The following FBXL13 variants were observed in gnomAD, a reference collection of about 807,000 sequenced individuals.
FBXL13 encodes the protein F-box and leucine rich repeat protein 13.
A neutral mutation model predicts 83.6 loss-of-function variants in FBXL13; 67 were observed. The observed-to-expected ratio is 0.80, with a 90% CI of 0.66 to 0.98. The LOEUF is 0.98. Ranked by LOEUF, FBXL13 falls within the 50% of genes least tolerant of loss-of-function variation. The pLI is 0.00. For synonymous variants in FBXL13, 272 were observed against 299.5 expected (o/e 0.91, Z 0.95); for missense variants, 822 against 866.5 (o/e 0.95, Z 0.64).
intron 18 of FBXL13, among the ~76,000 whole-genome samples, chr7:102,828,285 A>C (rs1800083167): frequency 2.6e-5 from 4 of 151,906 alleles, no homozygotes; most frequent in African/African-American, 7.3e-5. Flanking sequence ...GTTCTCCTTG[A>C]AGAGGTCCTT....
At chr7:102,897,207 T>C (rs986842605) in intron 11 of FBXL13, among the ~76,000 whole-genome samples, 1 of 151,918 alleles carries the variant, frequency 6.6e-6, no homozygotes, top group Non-Finnish European at 1.5e-5. Flanking sequence ...CTTGTTATTG[T>C]AGGTGATATA....
chr7:103,000,133 A>C (rs1414892930), intron 6 of FBXL13, among the ~76,000 whole-genome samples: 4 of 151,982 alleles, frequency 2.6e-5, no homozygotes, highest in African/African-American at 9.7e-5. Context: ...ATATTTAAAA[A>C]TTTTCATCTT....
intron 11 of FBXL13, among the ~76,000 whole-genome samples, chr7:102,902,413 G>A (rs1813079247): frequency 6.6e-6 from 1 of 152,084 alleles, no homozygotes; most frequent in South Asian, 2.1e-4. Flanking sequence ...TGTATCCTTT[G>A]CTGTGCAGAA....
intron 16 of FBXL13, among the ~76,000 whole-genome samples, chr7:102,863,641 A>G (rs112660727): frequency 3.3e-5 from 5 of 152,212 alleles, no homozygotes; most frequent in African/African-American, 1.2e-4. Context: ...CAAAACAAAA[A>G]CAAAGATTCC....
rs184346994 is a variant in FBXL13 at position 103,018,101 on chromosome 7, T to G, written c.495+6962A>C. Among the ~76,000 whole-genome samples the G allele has an allele frequency of 5.6e-4, 86 of 152,214 alleles. No homozygotes were observed. In the East Asian group the frequency reaches 6.8e-3, roughly 12 times the overall value. On this transcript the variant is annotated intron_variant, in intron 6 of 19. Transcript: ENST00000313221. ...AAGGTCAGGTTACCCACAAAGGGAA[T>G]CCCATCAGAATAACAGCGGATCTCT... is the stretch of plus-strand genomic sequence containing the variant.
chr7:102,826,944 A>G (rs1209361221), intron 18 of FBXL13: 2 of 284,606 alleles, frequency 7.0e-6, no homozygotes, highest in East Asian at 1.6e-4. Flanking sequence ...TAAGAGCTCT[A>G]TCGTATTATT....
chr7:102,859,028 A>T (rs947973729), intron 16 of FBXL13, among the ~76,000 whole-genome samples: 1 of 152,140 alleles, frequency 6.6e-6, no homozygotes, highest in Non-Finnish European at 1.5e-5. Context: ...ATGTTTAAAA[A>T]AAGATTGATG....
chr7:102,816,608 C>G (rs973275395), intron 19 of FBXL13, among the ~76,000 whole-genome samples: 6 of 152,140 alleles, frequency 3.9e-5, no homozygotes, highest in African/African-American at 1.4e-4. Context: ...TGTTTGCACA[C>G]ACGCACCTTT....
chr7:102,934,143 C>T, intron 8 of FBXL13: 1 of 1,614,146 alleles, frequency 6.2e-7, no homozygotes, highest in Non-Finnish European at 8.5e-7. Flanking sequence ...TATGTGCTGC[C>T]TGGTTGGCCT....
At chr7:102,856,087 TG>T (rs1439147592) in intron 16 of FBXL13, among the ~76,000 whole-genome samples, 2 of 152,218 alleles carry the variant, frequency 1.3e-5, no homozygotes, top group Non-Finnish European at 2.9e-5. Context: ...AGTTTTTATT[TG>T]TTTCTTCAGT....
intron 16 of FBXL13, among the ~76,000 whole-genome samples, chr7:102,877,158 C>A (rs1037540172): frequency 6.6e-6 from 1 of 152,136 alleles, no homozygotes; most frequent in East Asian, 1.9e-4. Context: ...GTTAAGCCAT[C>A]TAACATATAT....
intron 6 of FBXL13, among the ~76,000 whole-genome samples, chr7:103,024,857 A>ATATATATATATTTT (rs1298384907): frequency 1.6e-5 from 1 of 62,846 alleles, no homozygotes; most frequent in African/African-American, 9.0e-5. Context: ...ATATATATAT[A>ATATATATATATTTT]TTTTTTTTTT....
At chr7:103,025,864 C>T (rs1793841831) in intron 5 of FBXL13, among the ~76,000 whole-genome samples, 2 of 151,524 alleles carry the variant, frequency 1.3e-5, no homozygotes, top group Admixed American at 6.6e-5. Flanking sequence ...ACAGGTGTTC[C>T]CTGCCTCTGC....
intron 8 of FBXL13, among the ~76,000 whole-genome samples, chr7:102,946,558 TTTATTTACA>T (rs1822526554): frequency 2.7e-5 from 1 of 36,376 alleles, no homozygotes; most frequent in East Asian, 9.4e-4. Flanking sequence ...TAGATCTGTA[TTTATTTACA>T]GGAAACAGAG....
intron 8 of FBXL13, among the ~76,000 whole-genome samples, chr7:102,938,755 A>C (rs981126357): frequency 6.6e-6 from 1 of 152,226 alleles, no homozygotes; most frequent in African/African-American, 2.4e-5. Context: ...TGAAGTTCTA[A>C]GGTAAAAGAA....
chr7:103,015,206 G>A (rs530147488), intron 6 of FBXL13, among the ~76,000 whole-genome samples: 1 of 152,142 alleles, frequency 6.6e-6, no homozygotes, highest in South Asian at 2.1e-4. Flanking sequence ...AATAATAAGA[G>A]CCATTTATGA....
intron 14 of FBXL13, among the ~76,000 whole-genome samples, chr7:102,879,025 C>A (rs532851378): frequency 6.6e-6 from 1 of 152,284 alleles, no homozygotes; most frequent in Admixed American, 6.5e-5. Flanking sequence ...ATAACCCTAC[C>A]ATGTTGATCT....
intron 2 of FBXL13, among the ~76,000 whole-genome samples, chr7:103,032,709 C>A (rs1310957117): frequency 6.6e-6 from 1 of 152,182 alleles, no homozygotes; most frequent in Non-Finnish European, 1.5e-5. Flanking sequence ...CTAATGGATT[C>A]TGTTACCTGG....
intron 17 of FBXL13, among the ~76,000 whole-genome samples, chr7:102,848,273 G>GTGTGTACGGATATTATATAAATGTATTT (rs1299866637): frequency 7.7e-5 from 9 of 116,196 alleles, no homozygotes; most frequent in East Asian, 3.0e-4. Context: ...ATACACATTC[G>GTGTGTACGGATATTATATAAATGTATTT]AGGCCGGGCG....
Sources: allele counts gnomAD v4.1 joint callset (sites outside exome capture counted in the v4.1 genomes callset), GRCh38; gene constraint gnomAD v4.1.1; transcripts MANE v1.5; gene names NCBI Gene and HGNC (gene_info 2026-07-23, HGNC 2026-07-21).